Variants in ATE1 observed in about 807,000 individuals in gnomAD.
ATE1 encodes the protein arginyl-tRNA--protein transferase 1.
In ATE1, 36 loss-of-function variants were observed where a neutral mutation model predicts 70.5. That is an observed-to-expected ratio of 0.51 (90% confidence interval 0.39 to 0.67). The LOEUF (loss-of-function observed/expected upper bound fraction) is 0.67. ATE1 is among the 30% of genes least tolerant of loss of function. The pLI, the probability that ATE1 is intolerant of heterozygous loss-of-function variation, is 0.00. For synonymous variants in ATE1, 232 were observed against 219.3 expected, an observed-to-expected ratio of 1.06 and a Z score of -0.51; for missense variants, 593 against 629.5, an observed-to-expected ratio of 0.94 and a Z score of 0.62.
At chr10:121,812,957 G>A (rs937056641) in intron 10 of ATE1, among the ~76,000 whole-genome samples, 3 of 152,282 alleles carry the variant, frequency 2.0e-5, no homozygotes, top group South Asian at 2.1e-4. Context: ...TAGGACAGTC[G>A]TATACCTCTT....
intron 11 of ATE1, among the ~76,000 whole-genome samples, chr10:121,764,359 G>GTAAAAATAT (rs1945184978): frequency 6.6e-6 from 1 of 151,948 alleles, no homozygotes; most frequent in Non-Finnish European, 1.5e-5. Context: ...TACAAAGGCT[G>GTAAAAATAT]GGCACAGTGG....
chr10:121,816,166 A>G (rs1428486453), intron 10 of ATE1, among the ~76,000 whole-genome samples: 1 of 152,184 alleles, frequency 6.6e-6, no homozygotes, highest in Non-Finnish European at 1.5e-5. Context: ...TTTATATTAT[A>G]CAATTATACA....
chr10:121,868,365 AT>A, intron 8 of ATE1, among the ~76,000 whole-genome samples: 1 of 152,280 alleles, frequency 6.6e-6, no homozygotes, highest in South Asian at 2.1e-4. Flanking sequence ...TTTTAGCTAT[AT>A]TTGTTTTCAT....
chr10:121,872,923 C>T (rs528594144), intron 7 of ATE1, among the ~76,000 whole-genome samples: 15 of 152,026 alleles, frequency 9.9e-5, no homozygotes, highest in Non-Finnish European at 1.8e-4. Context: ...AATATTTGGG[C>T]GTAATATTGA....
chr10:121,898,682 A>C (rs2134278299), intron 7 of ATE1, among the ~76,000 whole-genome samples: 1 of 152,284 alleles, frequency 6.6e-6, no homozygotes, highest in Middle Eastern at 3.4e-3. Flanking sequence ...CTTTTTTCTA[A>C]GGATTTAAAA....
chr10:121,815,655 T>C (rs1436540985), intron 10 of ATE1, among the ~76,000 whole-genome samples: 1 of 152,226 alleles, frequency 6.6e-6, no homozygotes, highest in African/African-American at 2.4e-5. Context: ...TGGTGTGTCA[T>C]ACAGGACAGT....
intron 8 of ATE1, among the ~76,000 whole-genome samples, chr10:121,853,942 T>C (rs1949151087): frequency 6.6e-6 from 1 of 152,200 alleles, no homozygotes; most frequent in Non-Finnish European, 1.5e-5. Flanking sequence ...TAATGGCACG[T>C]AATCCCATTA....
intron 3 of ATE1, among the ~76,000 whole-genome samples, chr10:121,916,064 G>A (rs947718867): frequency 5.4e-5 from 8 of 146,884 alleles, no homozygotes; most frequent in Non-Finnish European, 1.0e-4. Flanking sequence ...GTGAAACCCC[G>A]TCTCTACAAA....
chr10:121,755,395 CAG>C (rs1944756870), intron 11 of ATE1, among the ~76,000 whole-genome samples: 1 of 152,056 alleles, frequency 6.6e-6, no homozygotes. Context: ...CAGAGTAAAA[CAG>C]AAAAAGTGAT....
chr10:121,925,493 C>T (rs570912155), intron 1 of ATE1, among the ~76,000 whole-genome samples: 8 of 150,586 alleles, frequency 5.3e-5, no homozygotes, highest in Admixed American at 2.0e-4. Flanking sequence ...AAGATGATTA[C>T]AGGGGCTATG....
At chr10:121,785,522 A>G (rs1354368439) in intron 11 of ATE1, among the ~76,000 whole-genome samples, 1 of 152,158 alleles carries the variant, frequency 6.6e-6, no homozygotes, top group African/African-American at 2.4e-5. Context: ...TTCTGTGGGC[A>G]TATGCTAGAG....
chr10:121,769,083 A>G (rs916259656), intron 11 of ATE1, among the ~76,000 whole-genome samples: 16 of 152,200 alleles, frequency 1.1e-4, no homozygotes, highest in African/African-American at 3.9e-4. Flanking sequence ...AAGAGCTACA[A>G]TAACGAAAAT....
At position 121,851,162 on chromosome 10, in the gene ATE1, T is replaced by C. The variant is rs148919440; in HGVS notation, c.976-9899A>G. Among the ~76,000 whole-genome samples, 121 of 139,898 alleles carry C rather than the reference T, an allele frequency of 8.6e-4. 3 individuals are homozygous for C. In the East Asian group the frequency reaches 0.023, roughly 27 times the overall value. The allele number at this position is 139,898 out of a possible 152,430, so 91.8% of individuals were successfully genotyped here. A position where few individuals can be genotyped will look rare whatever the true frequency, so the allele number is the denominator to read the frequency against. ...CAGGCAGGGTGTGGTGGCTCACAGC[T>C]GTAATCTCTGCACTTTGGAGGCTGC... On this transcript the variant is annotated intron_variant, in intron 8 of 11. Coordinates refer to ENST00000224652, the MANE Select transcript of ATE1 (RefSeq NM_001001976.3).
At chr10:121,851,081 A>G (rs1363990567) in intron 8 of ATE1, among the ~76,000 whole-genome samples, 5 of 108,718 alleles carry the variant, frequency 4.6e-5, no homozygotes, top group African/African-American at 1.1e-4. Context: ...ACAAAGCGAG[A>G]CTCCATCTCA....
chr10:121,926,738 G>A (rs1952108502), intron 1 of ATE1: 1 of 985,374 alleles, frequency 1.0e-6, no homozygotes. Flanking sequence ...TATTACCACT[G>A]TCACGATTTG....
chr10:121,758,575 C>T (rs556663159), intron 11 of ATE1, among the ~76,000 whole-genome samples: 4 of 152,198 alleles, frequency 2.6e-5, no homozygotes, highest in South Asian at 2.1e-4. Context: ...CAGCCTCTAC[C>T]GGAGGAAATA....
chr10:121,778,570 T>C (rs1177003520), intron 11 of ATE1, among the ~76,000 whole-genome samples: 2 of 33,604 alleles, frequency 6.0e-5, no homozygotes, highest in African/African-American at 3.3e-4. Flanking sequence ...CCAGCTTTTT[T>C]TTTTTTTTTT....
chr10:121,880,173 A>G (rs1950182811), intron 7 of ATE1, among the ~76,000 whole-genome samples: 1 of 152,254 alleles, frequency 6.6e-6, no homozygotes, highest in Non-Finnish European at 1.5e-5. Flanking sequence ...CTATATTAAC[A>G]TAAACATATT....
intron 10 of ATE1, among the ~76,000 whole-genome samples, chr10:121,820,320 G>C (rs534883548): frequency 3.3e-5 from 5 of 152,212 alleles, no homozygotes; most frequent in South Asian, 2.1e-4. Flanking sequence ...AAGCATGCTA[G>C]AAACCATAAA....
Sources: allele counts gnomAD v4.1 joint callset (sites outside exome capture counted in the v4.1 genomes callset), GRCh38; gene constraint gnomAD v4.1.1; transcripts MANE v1.5; gene names NCBI Gene and HGNC (gene_info 2026-07-23, HGNC 2026-07-21).